Variants in PXMP2 observed in about 807,000 individuals in gnomAD.
PXMP2 encodes the protein 22 kDa peroxisomal membrane protein.
In PXMP2, 13 loss-of-function variants were observed where a neutral mutation model predicts 20.2. That is an observed-to-expected ratio of 0.64 (90% CI 0.42 to 1.02). The LOEUF is 1.02. Among genes scored for constraint, PXMP2 ranks in the 50% least tolerant of loss-of-function variants. The pLI is 0.00. For missense variants in PXMP2, 284 were observed against 251.8 expected, an observed-to-expected ratio of 1.13 and a Z score of -0.87; for synonymous variants, 113 against 111.2, an observed-to-expected ratio of 1.02 and a Z score of -0.10.
intron 1 of PXMP2, among the ~76,000 whole-genome samples, chr12:132,689,369 A>G (rs1190816856): frequency 6.6e-6 from 1 of 152,174 alleles, no homozygotes; most frequent in African/African-American, 2.4e-5. Context: ...GGCTGTGTAA[A>G]GAAGTGGAGC....
intron 4 of PXMP2, among the ~76,000 whole-genome samples, chr12:132,702,900 C>T (rs1358709120): frequency 6.6e-6 from 1 of 152,188 alleles, no homozygotes; most frequent in African/African-American, 2.4e-5. Flanking sequence ...TGTGTGCACA[C>T]TGCACACACC....
At chr12:132,694,201 T>TG (rs2043393030) in intron 2 of PXMP2, among the ~76,000 whole-genome samples, 1 of 115,700 alleles carries the variant, frequency 8.6e-6, no homozygotes, top group Non-Finnish European at 1.9e-5. Flanking sequence ...GAGAGCTCCC[T>TG]TGCCAGTTAG....
At chr12:132,698,150 C>T (rs1249912017) in intron 3 of PXMP2, among the ~76,000 whole-genome samples, 1 of 151,946 alleles carries the variant, frequency 6.6e-6, no homozygotes, top group Non-Finnish European at 1.5e-5. Flanking sequence ...GCTGGGATTG[C>T]AGGTGCCCGC....
chr12:132,687,638 C>G lies in PXMP2; in HGVS notation c.-33C>G. ...GCGCCCGGCCAGCCTGAGGTGGGGT[C>G]GGTGCCCCCGGCGGCACGGCGCTGG... On this transcript the variant is annotated 5_prime_UTR_variant, in exon 1 of 5. Transcript: ENST00000317479. 8.7e-7 allele frequency: 1 copy of G among 1,155,134 alleles called. No homozygotes were observed. Among genetic ancestry groups the G allele is most frequent in the Non-Finnish European group, 1.1e-6 (1 of 939,948 alleles). The allele number at this position is 1,155,134 out of a possible 1,614,324, so 71.6% of individuals were successfully genotyped here.
chr12:132,701,165 A>C (rs2043437678), intron 3 of PXMP2, 85 bp from the exon 4 acceptor site: 1 of 1,565,364 alleles, frequency 6.4e-7, no homozygotes, highest in Non-Finnish European at 8.7e-7. Context: ...GCAGTTTAAA[A>C]ACCATCACGA....
intron 2 of PXMP2, 52 bp downstream of exon 2, chr12:132,690,428 A>T (rs2043359778): frequency 7.1e-7 from 1 of 1,400,080 alleles, no homozygotes; most frequent in African/African-American, 1.4e-5. Flanking sequence ...AGTGCAACCA[A>T]GCTGGGCACC....
chr12:132,689,953 T>C (rs951116269), intron 1 of PXMP2, among the ~76,000 whole-genome samples: 1 of 152,228 alleles, frequency 6.6e-6, no homozygotes, highest in African/African-American at 2.4e-5. Context: ...AACAGCGTCA[T>C]GATAGGGCTG....
chr12:132,704,768 G>T lies in PXMP2; in HGVS notation c.*81G>T. ...GCCCAGCGAGAGCAGAACCAATCCA[G>T]TCAGGATGTCACTGACTCTAAATCA... is the stretch of plus-strand genomic sequence containing the variant. On this transcript the variant is annotated 3_prime_UTR_variant, in exon 5 of 5. Transcript: ENST00000317479. The T allele has an allele frequency of 7.6e-7, 1 of 1,322,836 alleles. No individual in the cohort carries two copies. The highest frequency in any genetic ancestry group is 1.1e-6 in the Non-Finnish European group (1 of 920,600). 81.9% of individuals were successfully genotyped at this position (1,322,836 alleles called of 1,614,324 possible). A position where few individuals can be genotyped will look rare whatever the true frequency, so the allele number is the denominator to read the frequency against.
At chr12:132,702,639 C>A in intron 4 of PXMP2, 1 of 205,436 alleles carries the variant, frequency 4.9e-6, no homozygotes, top group Non-Finnish European at 1.1e-5. Context: ...GCTCCAGACC[C>A]CTAGAAAGAC....
Position 132,687,733 on chromosome 12 carries a change from G to T in PXMP2, c.63G>T (p.Ala21=). The T allele has an allele frequency of 8.2e-7, 1 of 1,217,712 alleles. No homozygotes were observed. The highest frequency in any genetic ancestry group is 1.6e-5 in the African/African-American group (1 of 62,566). The allele number at this position is 1,217,712 out of a possible 1,614,324, so 75.4% of individuals were successfully genotyped here. The change falls in exon 1 of 5, where the codon GCG becomes GCT. Residue 21 remains alanine, a synonymous_variant. Transcript: ENST00000317479. Reference sequence around the variant, plus strand: ...GGCTCGGGGCGCTGCCGCGGCGGGCGCTCGCCCAGTACCTGCTCTTCCTGC... The same window carrying T: ...GGCTCGGGGCGCTGCCGCGGCGGGCTCTCGCCCAGTACCTGCTCTTCCTGC... ...EAGLGALPRR[A]LAQYLLFLRL... is the part of the protein sequence containing the mutation.
chr12:132,700,932 G>A (rs181540366), intron 3 of PXMP2, among the ~76,000 whole-genome samples: 5 of 150,996 alleles, frequency 3.3e-5, no homozygotes, highest in Admixed American at 1.3e-4. Flanking sequence ...AATTGACAGC[G>A]TAGCTCTGAG....
intron 2 of PXMP2, among the ~76,000 whole-genome samples, chr12:132,694,937 T>C (rs2043401742): frequency 1.4e-5 from 1 of 71,928 alleles, no homozygotes; most frequent in African/African-American, 3.4e-5. Flanking sequence ...GTGAGCTCCC[T>C]TAGCCAGTTA....
chr12:132,703,184 G>C (rs998786019), intron 4 of PXMP2, among the ~76,000 whole-genome samples: 2 of 152,140 alleles, frequency 1.3e-5, no homozygotes, highest in Non-Finnish European at 2.9e-5. Flanking sequence ...TGTAATCCCA[G>C]AACTTTGAGA....
At chr12:132,698,309 G>A (rs1010385364) in intron 3 of PXMP2, among the ~76,000 whole-genome samples, 1 of 152,080 alleles carries the variant, frequency 6.6e-6, no homozygotes, top group Admixed American at 6.6e-5. Flanking sequence ...TGCACCTGGC[G>A]TCACCTTCTG....
chr12:132,693,897 G>T (rs78360059), intron 2 of PXMP2, among the ~76,000 whole-genome samples: 12 of 58,726 alleles, frequency 2.0e-4, no homozygotes, highest in African/African-American at 5.6e-4. Context: ...GATAGTGAGC[G>T]CCCTTAGCCA....
intron 1 of PXMP2, among the ~76,000 whole-genome samples, chr12:132,689,771 TCCC>T (rs893214570): frequency 2.6e-5 from 4 of 152,176 alleles, no homozygotes; most frequent in African/African-American, 9.7e-5. Context: ...CTTCCCAGTG[TCCC>T]CCATTGGTTA....
In PXMP2 at chr12:132,690,263, T is replaced by C; in HGVS notation, c.123T>C (p.Ser41=). 1 of 1,612,930 alleles carries C rather than the reference T, an allele frequency of 6.2e-7. No homozygotes were observed. The highest frequency in any genetic ancestry group is 8.5e-7 in the Non-Finnish European group (1 of 1,178,972). ...TTTCTGATGACCTCCCTCTCCACAG[T>C]GGCATTTTGTCAGCACTTGGGAACT... ...LYPVLTKAAT[S]GILSALGNFL... is the part of the protein sequence containing the mutation. Residue 41 remains serine, a splice_region_variant and synonymous_variant, in exon 2 of 5, where the codon AGT becomes AGC. Transcript: ENST00000317479.
intron 4 of PXMP2, 59 bp from the exon 5 acceptor site, chr12:132,704,560 T>C: frequency 1.5e-6 from 2 of 1,303,028 alleles, no homozygotes; most frequent in Non-Finnish European, 2.0e-6. Context: ...TGACTGAGGC[T>C]GGATAACTGG....
chr12:132,704,812 A>G lies in PXMP2; in HGVS notation c.*125A>G. On this transcript the variant is annotated 3_prime_UTR_variant, in exon 5 of 5. Transcript: ENST00000317479. ...TAAATCAGGTGATTCAAGATGCCCA[A>G]AAATGATGGATAGAGAAACAGAAAT... is the stretch of plus-strand genomic sequence containing the variant. 1.1e-6 allele frequency: 1 copy of G among 900,882 alleles called. No homozygotes were observed. Among genetic ancestry groups the G allele is most frequent in the Non-Finnish European group, 1.8e-6 (1 of 551,110 alleles). 55.8% of individuals were successfully genotyped at this position (900,882 alleles called of 1,614,324 possible).
Sources: gnomAD v4.1 joint callset for allele counts (sites outside exome capture counted in the v4.1 genomes callset) on GRCh38, gnomAD v4.1.1 for gene constraint, MANE v1.5 for transcripts, NCBI Gene and HGNC (gene_info 2026-07-23, HGNC 2026-07-21) for gene names.